The following RBMS1 variants were observed in gnomAD, a reference collection of about 807,000 sequenced individuals.
RBMS1 encodes RNA binding motif single stranded interacting protein 1, also known as RNA-binding motif, single-stranded-interacting protein 1.
RBMS1 carries 17 observed loss-of-function variants against 62.3 expected under a neutral mutation model. The ratio of observed to expected loss-of-function variants is 0.27; its 90% CI spans 0.19 to 0.41. The LOEUF is 0.41. RBMS1 is among the 10% of genes least tolerant of loss of function. The pLI is 1.00. For missense variants in RBMS1, 334 were observed against 504.5 expected, an observed-to-expected ratio of 0.66 and a Z score of 3.24; for synonymous variants, 172 against 170.0, an observed-to-expected ratio of 1.01 and a Z score of -0.09.
intron 1 of RBMS1, among the ~76,000 whole-genome samples, chr2:160,381,218 T>G (rs1403197681): frequency 1.3e-5 from 2 of 152,138 alleles, no homozygotes; most frequent in Admixed American, 1.3e-4. Flanking sequence ...GATAAAACAC[T>G]GGGAACAATG....
chr2:160,349,064 C>G (rs1692339577), intron 2 of RBMS1, among the ~76,000 whole-genome samples: 1 of 152,106 alleles, frequency 6.6e-6, no homozygotes, highest in Non-Finnish European at 1.5e-5. Flanking sequence ...CCAAGAGTTT[C>G]AAATAGCTTT....
intron 1 of RBMS1, among the ~76,000 whole-genome samples, chr2:160,415,049 T>C (rs1696164566): frequency 6.6e-6 from 1 of 152,066 alleles, no homozygotes; most frequent in Admixed American, 6.6e-5. Flanking sequence ...AGGTCCATTT[T>C]TCATATATTG....
intron 2 of RBMS1, among the ~76,000 whole-genome samples, chr2:160,360,550 C>T (rs755630049): frequency 1.6e-4 from 25 of 152,312 alleles, no homozygotes; most frequent in Non-Finnish European, 3.7e-4. Context: ...CCCACTGACA[C>T]CCCGTCATGG....
chr2:160,487,180 T>A (rs1349825787), intron 1 of RBMS1, among the ~76,000 whole-genome samples: 2 of 152,142 alleles, frequency 1.3e-5, no homozygotes, highest in Non-Finnish European at 2.9e-5. Flanking sequence ...AGTAAAAAAA[T>A]TCATTTATTC....
Position 160,493,580 on chromosome 2 carries a change from C to T in RBMS1, c.-217G>A. 3.3e-6 allele frequency: 2 copies of T among 609,034 alleles called. No individual in the cohort carries two copies. The highest frequency in any genetic ancestry group is 5.8e-6 in the Non-Finnish European group (2 of 345,686). The allele number at this position is 609,034 out of a possible 1,614,324, so 37.7% of individuals were successfully genotyped here. A position where few individuals can be genotyped will look rare whatever the true frequency, so the allele number is the denominator to read the frequency against. On this transcript the variant is annotated 5_prime_UTR_variant, in exon 1 of 14. Transcript: ENST00000348849. ...TCCTCCTCCTCCTCCTCTTCCTCCT[C>T]CTCCTCCTCCTCCCAGGCAGAAAGA...
intron 1 of RBMS1, among the ~76,000 whole-genome samples, chr2:160,378,878 C>A (rs1369064339): frequency 6.6e-6 from 1 of 152,202 alleles, no homozygotes; most frequent in Non-Finnish European, 1.5e-5. Context: ...CCTAAAGCTT[C>A]ACAAAGCATA....
At chr2:160,303,758 T>A (rs1406063186) in intron 4 of RBMS1, among the ~76,000 whole-genome samples, 1 of 152,180 alleles carries the variant, frequency 6.6e-6, no homozygotes, top group Non-Finnish European at 1.5e-5. Flanking sequence ...ACCACAACTC[T>A]CAGTTGTTTG....
chr2:160,461,123 GC>G (rs1277593062), intron 1 of RBMS1, among the ~76,000 whole-genome samples: 1 of 152,028 alleles, frequency 6.6e-6, no homozygotes, highest in Non-Finnish European at 1.5e-5. Flanking sequence ...GGTGTTGCAT[GC>G]CTGTGGTCCC....
intron 1 of RBMS1, 122 bp downstream of exon 1, chr2:160,493,167 C>T (rs1190267250): frequency 1.6e-5 from 16 of 986,702 alleles, no homozygotes; most frequent in Non-Finnish European, 2.4e-5. Context: ...AGTTAGCAAC[C>T]TTCCAGCAAC....
chr2:160,434,373 C>G (rs1234927815), intron 1 of RBMS1, among the ~76,000 whole-genome samples: 1 of 151,912 alleles, frequency 6.6e-6, no homozygotes, highest in African/African-American at 2.4e-5. Context: ...ATCCAATTAC[C>G]AACTATTTCA....
chr2:160,288,961 C>CA (rs1375991334), intron 6 of RBMS1, among the ~76,000 whole-genome samples: 1 of 152,110 alleles, frequency 6.6e-6, no homozygotes, highest in South Asian at 2.1e-4. Flanking sequence ...CAGTGCAGGC[C>CA]ACCTAAACAG....
At chr2:160,401,030 C>T (rs557007388) in intron 1 of RBMS1, among the ~76,000 whole-genome samples, 2 of 152,044 alleles carry the variant, frequency 1.3e-5, no homozygotes, top group Non-Finnish European at 2.9e-5. Flanking sequence ...AGCCAAAGGA[C>T]TGCATGCTCA....
intron 1 of RBMS1, among the ~76,000 whole-genome samples, chr2:160,379,947 G>A (rs1012360891): frequency 6.6e-6 from 1 of 152,158 alleles, no homozygotes; most frequent in Non-Finnish European, 1.5e-5. Flanking sequence ...GGGCAACACA[G>A]AACTCAGTTC....
chr2:160,449,024 C>G (rs573437977), intron 1 of RBMS1, among the ~76,000 whole-genome samples: 2 of 151,732 alleles, frequency 1.3e-5, no homozygotes, highest in East Asian at 3.9e-4. Flanking sequence ...TGCCCGGCCA[C>G]CCTGTCTGAG....
intron 1 of RBMS1, among the ~76,000 whole-genome samples, chr2:160,438,300 C>T (rs1452259174): frequency 1.6e-4 from 23 of 141,810 alleles, no homozygotes; most frequent in Non-Finnish European, 2.6e-4. Context: ...TTGGGTGTTT[C>T]TCGCAGAGGG....
At chr2:160,298,074 T>TG (rs1689030744) in intron 6 of RBMS1, among the ~76,000 whole-genome samples, 1 of 152,090 alleles carries the variant, frequency 6.6e-6, no homozygotes, top group African/African-American at 2.4e-5. Context: ...AGATGAGAGA[T>TG]GATCAGAAAT....
chr2:160,341,939 T>C (rs991552373), intron 2 of RBMS1, among the ~76,000 whole-genome samples: 2 of 152,206 alleles, frequency 1.3e-5, no homozygotes, highest in Non-Finnish European at 2.9e-5. Flanking sequence ...AATGTGATCC[T>C]AAAACCTAGA....
intron 1 of RBMS1, among the ~76,000 whole-genome samples, chr2:160,401,266 T>C (rs149152508): frequency 6.6e-6 from 1 of 152,344 alleles, no homozygotes; most frequent in African/African-American, 2.4e-5. Context: ...TATGTTTAAA[T>C]GAATAAAGTG....
chr2:160,470,626 G>A (rs1377354553), intron 1 of RBMS1, among the ~76,000 whole-genome samples: 1 of 145,610 alleles, frequency 6.9e-6, no homozygotes, highest in African/African-American at 2.5e-5. Context: ...TTCCTGGACA[G>A]AAATTAGGTC....
Sources: gnomAD v4.1 joint callset for allele counts (sites outside exome capture counted in the v4.1 genomes callset) on GRCh38, gnomAD v4.1.1 for gene constraint, MANE v1.5 for transcripts, NCBI Gene and HGNC (gene_info 2026-07-23, HGNC 2026-07-21) for gene names.